XRN1: variants seen among roughly 807,000 people sequenced by gnomAD.
XRN1 encodes the protein 5'-3' exoribonuclease 1, also known as strand-exchange protein 1 homolog.
In XRN1, 67 loss-of-function variants were observed where a neutral mutation model predicts 222.3. The observed-to-expected ratio is 0.30, with a 90% CI of 0.25 to 0.37. The LOEUF (loss-of-function observed/expected upper bound fraction) is 0.37, where lower values mean the gene tolerates loss of function less well. Among genes scored for constraint, XRN1 ranks in the 10% least tolerant of loss-of-function variants. XRN1 has a pLI of 1.00. For missense variants in XRN1, 1,707 were observed against 2,000.2 expected, an observed-to-expected ratio of 0.85 and a Z score of 2.80; for synonymous variants, 643 against 652.4, an observed-to-expected ratio of 0.99 and a Z score of 0.22.
intron 37 of XRN1, among the ~76,000 whole-genome samples, chr3:142,324,175 C>T (rs2065448154): frequency 1.3e-5 from 2 of 151,092 alleles, no homozygotes; most frequent in Admixed American, 6.6e-5. Context: ...ATACATGTGC[C>T]ATGTTGGTGT....
chr3:142,317,156 A>AT (rs2065233699), intron 39 of XRN1, among the ~76,000 whole-genome samples: 1 of 152,216 alleles, frequency 6.6e-6, no homozygotes, highest in Admixed American at 6.5e-5. Flanking sequence ...TAGTATTCAG[A>AT]ATCTGAAGAT....
intron 11 of XRN1, 23 bp downstream of exon 11, chr3:142,418,792 C>A (rs375800096): frequency 2.0e-5 from 33 of 1,611,206 alleles, no homozygotes; most frequent in African/African-American, 4.0e-5. Flanking sequence ...AGTAACATAT[C>A]AAAACACATA....
chr3:142,419,931 G>C (rs553045056), intron 10 of XRN1, among the ~76,000 whole-genome samples: 38 of 152,216 alleles, frequency 2.5e-4, no homozygotes, highest in Admixed American at 3.3e-4. Flanking sequence ...GAGATGCTCT[G>C]CAGGGTACTA....
intron 24 of XRN1, 60 bp from the exon 25 acceptor site, chr3:142,376,004 G>A (rs1248682790): frequency 2.7e-6 from 3 of 1,098,748 alleles, no homozygotes; most frequent in Non-Finnish European, 2.5e-6. Flanking sequence ...ACACACACGA[G>A]TTTTAAAATG....
At chr3:142,436,723 T>C (rs1024082927) in intron 1 of XRN1, among the ~76,000 whole-genome samples, 6 of 152,164 alleles carry the variant, frequency 3.9e-5, no homozygotes, top group African/African-American at 1.4e-4. Context: ...ATATTTGGCA[T>C]GGAATAATAT....
intron 5 of XRN1, among the ~76,000 whole-genome samples, chr3:142,424,778 A>C (rs2069181512): frequency 6.6e-6 from 1 of 152,112 alleles, no homozygotes; most frequent in Admixed American, 6.6e-5. Context: ...AAATTATTTA[A>C]GTTAGATGAA....
chr3:142,340,592 T>C (rs1199244799), intron 33 of XRN1, among the ~76,000 whole-genome samples: 1 of 152,048 alleles, frequency 6.6e-6, no homozygotes, highest in Non-Finnish European at 1.5e-5. Flanking sequence ...ACTAAGCAGA[T>C]TTAACCCAAA....
chr3:142,311,753 G>C lies in XRN1; in HGVS notation c.4843C>G (p.Gln1615Glu), dbSNP rs78396728. Residue 1615 changes from glutamine to glutamate, a missense_variant, in exon 41 of 41, where the codon CAA becomes GAA. Physicochemically the swap from Gln to Glu is conservative, Grantham distance 29. Coordinates refer to ENST00000392981, the MANE Select transcript of XRN1 (RefSeq NM_001282857.2). ...TGGCTAGTCTGAACTGGAGTGGCTT[G>C]AGAACTCTGGGCTTCCTTATTCTCA... ...NFENKEAQSS[Q>E]ATPVQTSQPD... 4 of 1,602,298 alleles carry C rather than the reference G, an allele frequency of 2.5e-6. No homozygotes were observed. Among genetic ancestry groups the C allele is most frequent in the African/African-American group, 2.7e-5 (2 of 74,488 alleles).
At chr3:142,401,015 TCTTC>T (rs2068109525) in intron 18 of XRN1, among the ~76,000 whole-genome samples, 1 of 152,078 alleles carries the variant, frequency 6.6e-6, no homozygotes, top group Non-Finnish European at 1.5e-5. Flanking sequence ...ATTCTAATTA[TCTTC>T]CTTATTTTTT....
chr3:142,365,817 C>G (rs534906560), intron 27 of XRN1, among the ~76,000 whole-genome samples: 159 of 152,174 alleles, frequency 1.0e-3, no homozygotes, highest in Non-Finnish European at 1.8e-3. Context: ...AAATGCTATC[C>G]TATTCAAATG....
intron 15 of XRN1, among the ~76,000 whole-genome samples, chr3:142,412,045 C>T (rs987342412): frequency 1.2e-4 from 19 of 152,032 alleles, no homozygotes; most frequent in Admixed American, 1.1e-3. Context: ...AGGATGGTCT[C>T]GATCTCCTGA....
chr3:142,396,647 C>A (rs1304091500), intron 20 of XRN1, among the ~76,000 whole-genome samples: 2 of 152,094 alleles, frequency 1.3e-5, no homozygotes, highest in Admixed American at 6.6e-5. Context: ...CTGGTATTAG[C>A]CCCAAAATTA....
At chr3:142,399,999 C>T (rs2068069481) in intron 19 of XRN1, among the ~76,000 whole-genome samples, 1 of 151,668 alleles carries the variant, frequency 6.6e-6, no homozygotes, top group South Asian at 2.1e-4. Flanking sequence ...TTGATATAAA[C>T]GATTGTGAAT....
At chr3:142,383,231 A>C in intron 22 of XRN1, 69 bp downstream of exon 22, 1 of 1,193,890 alleles carries the variant, frequency 8.4e-7, no homozygotes. Context: ...TTTAAACCTA[A>C]ATGAAGAGAA....
chr3:142,443,235 C>T (rs771739539), intron 1 of XRN1, among the ~76,000 whole-genome samples: 8 of 152,170 alleles, frequency 5.3e-5, no homozygotes, highest in Non-Finnish European at 1.2e-4. Flanking sequence ...AACTGCACCA[C>T]CCCTACTACG....
At chr3:142,429,414 C>G (rs1165392527) in intron 2 of XRN1, among the ~76,000 whole-genome samples, 1 of 152,112 alleles carries the variant, frequency 6.6e-6, no homozygotes, top group Non-Finnish European at 1.5e-5. Context: ...TCCCAAAGTG[C>G]TGGGATTACA....
chr3:142,340,392 A>G (rs891421461), intron 33 of XRN1, among the ~76,000 whole-genome samples: 6 of 151,710 alleles, frequency 4.0e-5, no homozygotes, highest in Middle Eastern at 3.4e-3. Flanking sequence ...GAAAAGAGAA[A>G]AGAATAAGAA....
chr3:142,316,859 C>T (rs1054654894), intron 39 of XRN1, among the ~76,000 whole-genome samples: 1 of 151,714 alleles, frequency 6.6e-6, no homozygotes, highest in Non-Finnish European at 1.5e-5. Context: ...CTTGAGTCCA[C>T]GACTTTGAGA....
chr3:142,439,067 C>A (rs900671268), intron 1 of XRN1, among the ~76,000 whole-genome samples: 1 of 152,162 alleles, frequency 6.6e-6, no homozygotes, highest in Admixed American at 6.5e-5. Flanking sequence ...AGCCAGAGTG[C>A]ATGTACCTTT....
Sources: allele counts gnomAD v4.1 joint callset (sites outside exome capture counted in the v4.1 genomes callset), GRCh38; gene constraint gnomAD v4.1.1; transcripts MANE v1.5; gene names NCBI Gene and HGNC (gene_info 2026-07-23, HGNC 2026-07-21).